LINGO2: variants seen among roughly 807,000 people sequenced by gnomAD.
LINGO2 encodes the protein leucine rich repeat and Ig domain containing 2, also known as leucine-rich repeat and immunoglobulin-like domain-containing nogo receptor-interacting protein 2.
Under a neutral mutation model 30.6 loss-of-function variants are expected in LINGO2, and 14 were observed. The ratio of observed to expected loss-of-function variants is 0.46; its 90% CI spans 0.30 to 0.72. The LOEUF (loss-of-function observed/expected upper bound fraction) is 0.72. Ranked by LOEUF, LINGO2 falls within the 30% of genes least tolerant of loss-of-function variation. The pLI is 0.07. For synonymous variants in LINGO2, 317 were observed against 288.5 expected, an observed-to-expected ratio of 1.10 and a Z score of -1.00; for missense variants, 729 against 751.7, an observed-to-expected ratio of 0.97 and a Z score of 0.35.
intron 4 of LINGO2, among the ~76,000 whole-genome samples, chr9:28,230,552 TTA>T (rs1414460249): frequency 6.6e-6 from 1 of 151,874 alleles, no homozygotes; most frequent in Non-Finnish European, 1.5e-5. Context: ...GTTATTAATA[TTA>T]TGTTTTATTT....
chr9:28,658,017 T>C (rs1828433191), intron 1 of LINGO2, among the ~76,000 whole-genome samples: 1 of 152,094 alleles, frequency 6.6e-6, no homozygotes, highest in Non-Finnish European at 1.5e-5. Flanking sequence ...ATTGGTGGTT[T>C]GAGTGTATTG....
At position 28,329,810 on chromosome 9, in the gene LINGO2, G is replaced by T. The variant is rs1375931449; in HGVS notation, c.-245-34444C>A. Among the ~76,000 whole-genome samples the T allele has an allele frequency of 6.6e-6, 1 of 151,942 alleles. No individual in the cohort carries two copies. Among genetic ancestry groups the T allele is most frequent in the African/African-American group, 2.4e-5 (1 of 41,358 alleles). ...CCTGAATTAGATAGCCATCCTCTGG[G>T]GTTTTATATCACCTTGTGCATATCT... On this transcript the variant is annotated intron_variant, in intron 3 of 5. Transcript: ENST00000379992. The surrounding 1 kb of genome is among the most constrained non-coding windows in gnomAD (Gnocchi z 4.5).
intron 4 of LINGO2, among the ~76,000 whole-genome samples, chr9:28,089,092 T>G (rs1368355046): frequency 1.3e-5 from 2 of 152,132 alleles, no homozygotes; most frequent in Non-Finnish European, 1.5e-5. Context: ...ACAAAGAGAC[T>G]TAGACTCCCA....
rs534516980 is a variant in LINGO2, at chr9:28,627,682, G to C, written c.-365+42518C>G. Among the ~76,000 whole-genome samples, 12 of 152,098 alleles carry C rather than the reference G, an allele frequency of 7.9e-5. No homozygotes were observed. The South Asian group carries it at 2.3e-3, about 29-fold the overall frequency. On this transcript the variant is annotated intron_variant, in intron 1 of 5. Coordinates refer to ENST00000379992, the Ensembl canonical transcript of LINGO2. Reference sequence around the variant, plus strand: ...GTTTAAGGTAGGGAAAACAAGTCTAGTTTCAGTTACACAAACTGAGAGTTC... The same window carrying C: ...GTTTAAGGTAGGGAAAACAAGTCTACTTTCAGTTACACAAACTGAGAGTTC...
intron 1 of LINGO2, among the ~76,000 whole-genome samples, chr9:28,570,654 A>G (rs1521731): frequency 0.27 from 41,533 of 151,296 alleles, 7,233 homozygotes; most frequent in African/African-American, 0.48. Flanking sequence ...GGGGAGCAGC[A>G]TCTGTTTTTG....
chr9:28,038,493 A>T (rs1824047623), intron 4 of LINGO2, among the ~76,000 whole-genome samples: 1 of 152,166 alleles, frequency 6.6e-6, no homozygotes, highest in African/African-American at 2.4e-5. Flanking sequence ...GGAGATCGAG[A>T]CCATCCCGGC....
chr9:28,875,195 A>AT, the LINGO2 span, among the ~76,000 whole-genome samples: 3 of 152,038 alleles, frequency 2.0e-5, no homozygotes, highest in Non-Finnish European at 2.9e-5. Flanking sequence ...TACTGAAAAT[A>AT]TTTTTTAAAA....
At chr9:29,145,716 T>G in the LINGO2 span, among the ~76,000 whole-genome samples, 1 of 152,162 alleles carries the variant, frequency 6.6e-6, no homozygotes, top group Non-Finnish European at 1.5e-5. Flanking sequence ...TGATTTAATA[T>G]AAAGAGTAAG....
Position 28,410,250 on chromosome 9 carries a change from C to A in LINGO2, c.-278-37382G>T, listed in dbSNP as rs181033657. ...GCCTTCTTAAAAATTTATTCTCCAT[C>A]TTATTTTATAATTTGTATATGAAGA... On this transcript the variant is annotated intron_variant, in intron 2 of 5. Coordinates refer to ENST00000379992, the Ensembl canonical transcript of LINGO2. 7.2e-5 allele frequency among the ~76,000 whole-genome samples: 11 copies of A among 152,106 alleles called. No homozygotes were observed. In the East Asian group the frequency reaches 2.1e-3, roughly 29 times the overall value.
intron 4 of LINGO2, among the ~76,000 whole-genome samples, chr9:28,044,549 A>G (rs571316516): frequency 2.2e-4 from 34 of 152,248 alleles, no homozygotes; most frequent in African/African-American, 7.7e-4. Flanking sequence ...TCTCATATGA[A>G]GAGATAGGCC....
At position 27,949,374 on chromosome 9, in the gene LINGO2, C is replaced by T. The variant is rs949080582; in HGVS notation, c.1298G>A (p.Ser433Asn). Residue 433 changes from serine to asparagine, a missense_variant, in exon 6 of 6, where the codon AGT becomes AAT. Physicochemically the swap from Ser to Asn is conservative, Grantham distance 46 (BLOSUM62 1). Transcript: ENST00000379992. ...CACAGGCTGCGGGTCTCCATCTGCA[C>T]TGCATTCTAGCTGGACTGTCTGCCC... is the stretch of plus-strand genomic sequence containing the variant. 2.5e-6 allele frequency: 4 copies of T among 1,614,014 alleles called. No homozygotes were observed. The African/African-American group carries it at 5.3e-5, about 22-fold the overall frequency.
intron 4 of LINGO2, among the ~76,000 whole-genome samples, chr9:28,221,180 G>A (rs1396374846): frequency 1.3e-5 from 2 of 151,340 alleles, no homozygotes; most frequent in Non-Finnish European, 2.9e-5. Flanking sequence ...GCGCCTGTAA[G>A]GTCCCAGCTA....
the LINGO2 span, among the ~76,000 whole-genome samples, chr9:28,700,171 G>T: frequency 1.3e-5 from 2 of 152,016 alleles, no homozygotes; most frequent in African/African-American, 4.8e-5. Context: ...GGAAGGCCCA[G>T]CTGTAAAATT....
chr9:27,947,124 G>A (rs1823395636), downstream of LINGO2, among the ~76,000 whole-genome samples: 1 of 152,084 alleles, frequency 6.6e-6, no homozygotes, highest in African/African-American at 2.4e-5. Context: ...GAAAAGTATA[G>A]ATATTTCCTA....
chr9:29,196,295 TTGAC>T, the LINGO2 span, among the ~76,000 whole-genome samples: 1 of 152,076 alleles, frequency 6.6e-6, no homozygotes, highest in Admixed American at 6.5e-5. Context: ...TAGATTTAAT[TTGAC>T]TGATGACTTC....
chr9:28,709,231 T>C, the LINGO2 span, among the ~76,000 whole-genome samples: 1 of 151,704 alleles, frequency 6.6e-6, no homozygotes, highest in Non-Finnish European at 1.5e-5. Context: ...TGTTTTGTTT[T>C]GTTTTTTAAC....
chr9:28,287,509 G>GGA (rs1564097185), intron 4 of LINGO2, among the ~76,000 whole-genome samples: 28 of 152,162 alleles, frequency 1.8e-4, no homozygotes, highest in African/African-American at 6.5e-4. Flanking sequence ...ACATTCAGCA[G>GGA]AATTACTTAA....
intron 4 of LINGO2, among the ~76,000 whole-genome samples, chr9:28,188,996 G>A (rs1036588313): frequency 2.6e-5 from 4 of 152,044 alleles, no homozygotes; most frequent in African/African-American, 9.7e-5. Flanking sequence ...CAGAAGACAA[G>A]TCTAAAAGTT....
the LINGO2 span, among the ~76,000 whole-genome samples, chr9:28,860,496 A>G: frequency 6.6e-6 from 1 of 151,948 alleles, no homozygotes; most frequent in African/African-American, 2.4e-5. Flanking sequence ...GCCCCATCTC[A>G]TCGGATTTTG....
Sources: gnomAD v4.1 joint callset for allele counts (sites outside exome capture counted in the v4.1 genomes callset) on GRCh38, gnomAD v4.1.1 for gene constraint, Gnocchi (gnomAD v3.1) non-coding constraint, MANE v1.5 for transcripts, NCBI Gene and HGNC (gene_info 2026-07-23, HGNC 2026-07-21) for gene names.